DNHD1: variants seen among roughly 807,000 people sequenced by gnomAD.
DNHD1 encodes the protein dynein heavy chain domain 1.
A neutral mutation model predicts 458.1 loss-of-function variants in DNHD1; 383 were observed. That is an observed-to-expected ratio of 0.84 (90% CI 0.77 to 0.91). The LOEUF is 0.91. Ranked by LOEUF, DNHD1 falls within the 40% of genes least tolerant of loss-of-function variation. DNHD1 has a pLI of 0.00. For synonymous variants in DNHD1, 2,203 were observed against 2,376.9 expected (o/e 0.93, Z 2.13); for missense variants, 5,336 against 5,866.1 (o/e 0.91, Z 2.95).
intron 24 of DNHD1, 32 bp from the exon 25 acceptor site, chr11:6,556,651 A>G (rs1401856947): frequency 2.0e-6 from 3 of 1,504,746 alleles, no homozygotes; most frequent in East Asian, 5.0e-5. Flanking sequence ...GGACTTTTAC[A>G]TGTCCTCATT....
chr11:6,508,990 C>A lies in DNHD1; in HGVS notation c.1031C>A (p.Thr344Lys), dbSNP rs748083515. 6.8e-6 allele frequency: 11 copies of A among 1,614,236 alleles called. No homozygotes were observed. Among genetic ancestry groups the A allele is most frequent in the Non-Finnish European group, 8.5e-6 (10 of 1,180,042 alleles). ...VHPVEGSETM[T>K]LGTWHHHCVL... ...CCTGTGGAAGGTAGCGAGACGATGA[C>A]ACTGGGTACCTGGCACCATCACTGT... is the stretch of plus-strand genomic sequence containing the variant. The change falls in exon 5 of 43, where the codon ACA (threonine) becomes AAA (lysine). Residue 344 changes from threonine to lysine, a missense_variant. Physicochemically the swap from Thr to Lys is moderately conservative, Grantham distance 78. Around this residue, in one of 4 missense-constraint regions of DNHD1, gnomAD observed 3,932 missense variants for 4,365.6 expected, o/e 0.90. Transcript: ENST00000254579.
In DNHD1 at chr11:6,545,255, C is replaced by T. The variant is rs2134428374; in HGVS notation, c.4316C>T (p.Pro1439Leu). 6.4e-7 allele frequency: 1 copy of T among 1,551,740 alleles called. No individual in the cohort carries two copies. Among genetic ancestry groups the T allele is most frequent in the Non-Finnish European group, 8.7e-7 (1 of 1,147,006 alleles). The change falls in exon 21 of 43, where the codon CCT becomes CTT. Residue 1439 changes from proline to leucine, a missense_variant. Coordinates refer to ENST00000254579, the MANE Select transcript of DNHD1 (RefSeq NM_144666.3). This position sits in a 1 kb window ranked among gnomAD's most constrained non-coding sequence, Gnocchi z 4.9. The part of the protein sequence containing the change: ...GEEVKLQGPL[P>L]LHPDLPKWLA... ...GAGGTGAAGCTGCAGGGTCCCCTTC[C>T]TCTGCATCCAGATCTCCCTAAGTGG...
At chr11:6,519,933 C>T (rs774699427) in intron 8 of DNHD1, 32 bp from the exon 9 acceptor site, 5 of 1,613,602 alleles carry the variant, frequency 3.1e-6, no homozygotes, top group Non-Finnish European at 4.2e-6. Context: ...GACATCTAGC[C>T]CCTCGACCTT....
rs758944252 is a variant in DNHD1 at position 6,545,163 on chromosome 11, CT to C, written c.4225del (p.Trp1409GlyfsTer17). The C allele has an allele frequency of 9.7e-6, 15 of 1,552,052 alleles. No homozygotes were observed. The highest frequency in any genetic ancestry group is 1.2e-5 in the Non-Finnish European group (14 of 1,147,072). On this transcript the variant is annotated frameshift_variant, in exon 21 of 43. Transcript: ENST00000254579. This position sits in a 1 kb window ranked among gnomAD's most constrained non-coding sequence, Gnocchi z 4.9. ...CAACTGGTGAGAAAAACACAGATGA[CT>C]GGGAGTCAAGCCCAAACACACAGAC... Reference protein sequence around the residue: ...CPTGEKNTDDWESSPNTQTQV... With the variant: ...CPTGEKNTDDXESSPNTQTQV...
rs1298385619 is a variant in DNHD1 at position 6,508,914 on chromosome 11, G to A, written c.955G>A (p.Val319Met). ...YSLMVVPPDK[V>M]NPEHYIFSPF... Reference sequence around the variant, plus strand: ...CCTGATGGTGGTGCCACCCGACAAGGTGAATCCCGAGCACTACATCTTCTC... The same window carrying A: ...CCTGATGGTGGTGCCACCCGACAAGATGAATCCCGAGCACTACATCTTCTC... Residue 319 changes from valine to methionine, a missense_variant, in exon 5 of 43, where the codon GTG becomes ATG. Coordinates refer to ENST00000254579, the MANE Select transcript of DNHD1 (RefSeq NM_144666.3). 1 of 1,614,134 alleles carries A rather than the reference G, an allele frequency of 6.2e-7. No homozygotes were observed.
chr11:6,548,464 C>G lies in DNHD1; in HGVS notation c.7098+62C>G, dbSNP rs778640970. 1 of 1,515,618 alleles carries G rather than the reference C, an allele frequency of 6.6e-7. No individual in the cohort carries two copies. Among genetic ancestry groups the G allele is most frequent in the Non-Finnish European group, 8.9e-7 (1 of 1,122,710 alleles). 93.9% of individuals were successfully genotyped at this position (1,515,618 alleles called of 1,614,324 possible). A position where few individuals can be genotyped will look rare whatever the true frequency, so the allele number is the denominator to read the frequency against. ...TTCAGGACTTATTTTAGGGGTAATC[C>G]ATGTTCAAAGATCAGCTGAGGCCCA... On this transcript the variant is annotated intron_variant, in intron 23 of 42. Transcript: ENST00000254579. This position sits in a 1 kb window ranked among gnomAD's most constrained non-coding sequence, Gnocchi z 4.4.
Position 6,557,424 on chromosome 11 carries a change from C to G in DNHD1, c.8129C>G (p.Ser2710Cys), listed in dbSNP as rs757828657. ...EEEERVPEVE[S>C]EGELAQWEDF... The stretch of plus-strand genomic sequence containing the variant: ...GAGGAGAGGGTGCCCGAAGTAGAAT[C>G]TGAAGGGGAGTTGGCCCAGTGGGAG... Residue 2710 changes from serine (S) to cysteine (C), a missense_variant, in exon 25 of 43, where the codon TCT becomes TGT. By Grantham distance (112) the Ser-to-Cys change is moderately radical. Transcript: ENST00000254579. 6.4e-7 allele frequency: 1 copy of G among 1,551,302 alleles called. No homozygotes were observed. The highest frequency in any genetic ancestry group is 8.7e-7 in the Non-Finnish European group (1 of 1,147,054).
In DNHD1 at chr11:6,502,601, T is replaced by C. The variant is rs542309768; in HGVS notation, c.747-152T>C. 1.9e-4 allele frequency: 111 copies of C among 577,232 alleles called. 1 individual carries two copies. The South Asian group carries it at 2.7e-3, about 14-fold the overall frequency. 35.8% of individuals were successfully genotyped at this position (577,232 alleles called of 1,614,324 possible). A position where few individuals can be genotyped will look rare whatever the true frequency, so the allele number is the denominator to read the frequency against. On this transcript the variant is annotated intron_variant, in intron 3 of 42. Transcript: ENST00000254579. ...TTGCCCAGTATGTGGTATCTTTGAG[T>C]ATAGATGGTAGTCAGGCTCGACAAT...
intron 18 of DNHD1, among the ~76,000 whole-genome samples, chr11:6,540,564 TAC>T (rs760045500): frequency 1.3e-5 from 2 of 152,124 alleles, no homozygotes; most frequent in Admixed American, 6.5e-5. Flanking sequence ...AGACAGACAA[TAC>T]TATAGGGATA....
intron 10 of DNHD1, among the ~76,000 whole-genome samples, chr11:6,527,329 AG>A: frequency 6.6e-6 from 1 of 152,216 alleles, no homozygotes. Flanking sequence ...GGGCTGGGGG[AG>A]GAGGGCAGGT....
intron 7 of DNHD1, among the ~76,000 whole-genome samples, chr11:6,517,895 A>G (rs1360457519): frequency 6.6e-6 from 1 of 152,086 alleles, no homozygotes; most frequent in African/African-American, 2.4e-5. Flanking sequence ...AGAATACTTT[A>G]TCCTCTTGGA....
At chr11:6,528,828 T>C in intron 11 of DNHD1, 41 bp downstream of exon 11, 1 of 1,550,074 alleles carries the variant, frequency 6.5e-7, no homozygotes, top group Non-Finnish European at 8.7e-7. Context: ...TGCCCACCAA[T>C]TCCCATTATA....
intron 7 of DNHD1, among the ~76,000 whole-genome samples, chr11:6,513,507 T>C (rs1852388679): frequency 6.6e-6 from 1 of 152,212 alleles, no homozygotes; most frequent in Non-Finnish European, 1.5e-5. Flanking sequence ...AACATTATGT[T>C]TGTGAGATTT....
intron 17 of DNHD1, 69 bp downstream of exon 17, chr11:6,539,382 G>A (rs1418393549): frequency 8.3e-7 from 1 of 1,210,220 alleles, no homozygotes. Flanking sequence ...CCAGTCAAGG[G>A]TGGTGGGTGT....
rs774250477 is a variant in DNHD1, at chr11:6,520,117, G to T, written c.1785+15G>T. 3 of 1,614,174 alleles carry T rather than the reference G, an allele frequency of 1.9e-6. No homozygotes were observed. The Admixed American group carries it at 5.0e-5, about 27-fold the overall frequency. ...CTGCCTTGCAGGTATTCTGAATTGG[G>T]CAGAGAGCTGGCTGTGGGAATTCCC... On this transcript the variant is annotated intron_variant, in intron 9 of 42. Transcript: ENST00000254579.
chr11:6,563,424 G>T lies in DNHD1; in HGVS notation c.9712G>T (p.Ala3238Ser). The change falls in exon 30 of 43, where the codon GCT becomes TCT. Residue 3238 changes from alanine (A) to serine (S), a missense_variant. Ala to Ser is a moderately conservative substitution (Grantham distance 99). Around this residue, in one of 4 missense-constraint regions of DNHD1, gnomAD observed 3,932 missense variants for 4,365.6 expected, o/e 0.90. Transcript: ENST00000254579. ...GGAGCCTCTGAGCCAGCTGCAGGTG[G>T]CTGACTTTGAGGAGATACGGAGCTA... is the stretch of plus-strand genomic sequence containing the variant. ...FLEPLSQLQVADFEEIRSYRA... is the reference protein window; with the variant it reads ...FLEPLSQLQVSDFEEIRSYRA... The T allele has an allele frequency of 6.4e-7, 1 of 1,551,736 alleles. No individual in the cohort carries two copies. The highest frequency in any genetic ancestry group is 8.7e-7 in the Non-Finnish European group (1 of 1,146,994).
At chr11:6,528,417 G>GTA in intron 10 of DNHD1, 105 bp from the exon 11 acceptor site, 1 of 1,246,654 alleles carries the variant, frequency 8.0e-7, no homozygotes, top group Non-Finnish European at 1.1e-6. Context: ...GTGTGTGTGT[G>GTA]TGTGTGTGTG....
chr11:6,570,000 C>T lies in DNHD1; in HGVS notation c.12864-9C>T, dbSNP rs1853802594. The T allele has an allele frequency of 1.2e-6, 2 of 1,613,056 alleles. No individual in the cohort carries two copies. Among genetic ancestry groups the T allele is most frequent in the Admixed American group, 1.7e-5 (1 of 59,970 alleles). The stretch of plus-strand genomic sequence containing the variant: ...ATGTGAAACCCTGCTTTCCGCTCCC[C>T]TTCTCTAGGAGTCAAGTGACTCTAA... On this transcript the variant is annotated splice_polypyrimidine_tract_variant and intron_variant, in intron 39 of 42. Coordinates refer to ENST00000254579, the MANE Select transcript of DNHD1 (RefSeq NM_144666.3).
rs1364722595 is a variant in DNHD1 at position 6,547,908 on chromosome 11, CA to C, written c.6778del (p.Ser2260AlafsTer4). ...SDPVAQSFRSSKSSFLNRSQV... is the reference protein window; with the variant it reads ...SDPVAQSFRSXKSSFLNRSQV... ...CCTGTGGCCCAAAGCTTCAGGTCTT[CA>C]AAAAGCAGCTTTCTAAACCGGTCCC... is the stretch of plus-strand genomic sequence containing the variant. On this transcript the variant is annotated frameshift_variant, in exon 22 of 43. Coordinates refer to ENST00000254579, the MANE Select transcript of DNHD1 (RefSeq NM_144666.3). LOFTEE classifies it high-confidence loss of function. 2 of 1,551,822 alleles carry C rather than the reference CA, an allele frequency of 1.3e-6. No individual in the cohort carries two copies. The highest frequency in any genetic ancestry group is 1.7e-6 in the Non-Finnish European group (2 of 1,147,022).
Sources: allele counts gnomAD v4.1 joint callset (sites outside exome capture counted in the v4.1 genomes callset), GRCh38; gene constraint gnomAD v4.1.1; regional missense constraint gnomAD v4.1.1; non-coding constraint Gnocchi (gnomAD v3.1); transcripts MANE v1.5; gene names NCBI Gene and HGNC (gene_info 2026-07-23, HGNC 2026-07-21).